Variants in METTL24 observed in about 807,000 individuals in gnomAD.
METTL24 encodes probable methyltransferase-like protein 24.
METTL24 carries 29 observed loss-of-function variants against 32.7 expected under a neutral mutation model. The observed-to-expected ratio is 0.89, with a 90% CI of 0.66 to 1.21. METTL24 has a LOEUF of 1.21. METTL24 is among the 50% of genes most tolerant of loss of function. METTL24 has a pLI of 0.00. For synonymous variants in METTL24, 163 were observed against 179.5 expected, an observed-to-expected ratio of 0.91 and a Z score of 0.73; for missense variants, 439 against 468.1, an observed-to-expected ratio of 0.94 and a Z score of 0.57.
intron 3 of METTL24, among the ~76,000 whole-genome samples, chr6:110,311,992 A>G (rs1237685945): frequency 2.0e-5 from 3 of 152,130 alleles, no homozygotes; most frequent in Non-Finnish European, 4.4e-5. Flanking sequence ...CTCCCATTCA[A>G]CAGGTTGTCT....
intron 3 of METTL24, among the ~76,000 whole-genome samples, chr6:110,304,246 C>T (rs1266257137): frequency 6.6e-6 from 1 of 152,022 alleles, no homozygotes; most frequent in African/African-American, 2.4e-5. Context: ...TTCCAAAAAC[C>T]AGAACACCTC....
At chr6:110,257,008 A>C (rs559833635) in intron 4 of METTL24, among the ~76,000 whole-genome samples, 16 of 152,340 alleles carry the variant, frequency 1.1e-4, no homozygotes, top group African/African-American at 3.8e-4. Flanking sequence ...GCTGCACTGC[A>C]TCAAGAAATT....
At chr6:110,314,043 T>C (rs529994828) in intron 3 of METTL24, among the ~76,000 whole-genome samples, 10 of 152,190 alleles carry the variant, frequency 6.6e-5, no homozygotes, top group Non-Finnish European at 1.5e-4. Flanking sequence ...ATGATGATCC[T>C]CTCTACACTG....
At chr6:110,357,485 G>C (rs561584105) in intron 1 of METTL24, 1 of 152,448 alleles carries the variant, frequency 6.6e-6, no homozygotes, top group African/African-American at 2.4e-5. Context: ...CGAGATGAAG[G>C]CAGTGGCGTG....
chr6:110,275,578 T>G (rs1380757715), intron 4 of METTL24, among the ~76,000 whole-genome samples: 1 of 152,188 alleles, frequency 6.6e-6, no homozygotes, highest in African/African-American at 2.4e-5. Flanking sequence ...CTTTATTATA[T>G]AATCTTCAAA....
At chr6:110,324,188 C>A (rs995755346) in intron 1 of METTL24, among the ~76,000 whole-genome samples, 1 of 152,176 alleles carries the variant, frequency 6.6e-6, no homozygotes, top group Admixed American at 6.5e-5. Context: ...TCAATACCAG[C>A]GCTTTGGAAG....
At chr6:110,350,395 G>A (rs1380871258) in intron 1 of METTL24, among the ~76,000 whole-genome samples, 2 of 152,160 alleles carry the variant, frequency 1.3e-5, no homozygotes, top group Non-Finnish European at 2.9e-5. Flanking sequence ...TTGCAACCCA[G>A]AGAGTCCTAA....
intron 2 of METTL24, among the ~76,000 whole-genome samples, chr6:110,321,908 G>A (rs1263678908): frequency 6.6e-6 from 1 of 152,184 alleles, no homozygotes; most frequent in Non-Finnish European, 1.5e-5. Flanking sequence ...GTGGGCTTGA[G>A]GGAGATTCTA....
chr6:110,289,329 G>A (rs193178629), intron 4 of METTL24, among the ~76,000 whole-genome samples: 2 of 152,270 alleles, frequency 1.3e-5, no homozygotes, highest in Admixed American at 6.5e-5. Context: ...AAATAAGTAT[G>A]TTTAGGATGC....
chr6:110,295,806 G>GAAGA (rs1771405253), intron 4 of METTL24, among the ~76,000 whole-genome samples: 2 of 146,704 alleles, frequency 1.4e-5, no homozygotes, highest in Non-Finnish European at 3.1e-5. Flanking sequence ...AGGAAGGAAG[G>GAAGA]AAGGAAGGAA....
intron 4 of METTL24, among the ~76,000 whole-genome samples, chr6:110,269,780 G>A (rs903974780): frequency 6.6e-6 from 1 of 152,164 alleles, no homozygotes; most frequent in African/African-American, 2.4e-5. Flanking sequence ...GGAGGAATGA[G>A]TAATCTAAAT....
intron 1 of METTL24, among the ~76,000 whole-genome samples, chr6:110,356,341 G>A (rs962081394): frequency 6.6e-6 from 1 of 152,118 alleles, no homozygotes; most frequent in Non-Finnish European, 1.5e-5. Flanking sequence ...TACTCGGTAG[G>A]CTGAGCCAGA....
In METTL24 at chr6:110,245,803, G is replaced by A; in HGVS notation, c.*143C>T. ...GTGCCCCATCACATGCCAAGCACTA[G>A]GCTGCATGCCCGCAATAACACACTC... On this transcript the variant is annotated 3_prime_UTR_variant, in exon 5 of 5. Transcript: ENST00000338882. 1 of 757,204 alleles carries A rather than the reference G, an allele frequency of 1.3e-6. No homozygotes were observed. The highest frequency in any genetic ancestry group is 1.7e-5 in the South Asian group (1 of 58,006). 46.9% of individuals were successfully genotyped at this position (757,204 alleles called of 1,614,324 possible).
Position 110,257,629 on chromosome 6 carries a change from T to C in METTL24, c.787-11369A>G, listed in dbSNP as rs1466080744. 2.6e-5 allele frequency among the ~76,000 whole-genome samples: 4 copies of C among 152,078 alleles called. No individual in the cohort carries two copies. In the East Asian group the frequency reaches 7.7e-4, roughly 29 times the overall value. Reference sequence around the variant, plus strand: ...CAGTAGATCTGAAGTGGAGCCTAAGTACTTGTGTTTCTACTAAGAGCCCAG... The same window carrying C: ...CAGTAGATCTGAAGTGGAGCCTAAGCACTTGTGTTTCTACTAAGAGCCCAG... On this transcript the variant is annotated intron_variant, in intron 4 of 4. Transcript: ENST00000338882.
chr6:110,262,445 T>A lies in METTL24; in HGVS notation c.787-16185A>T, dbSNP rs541290268. Among the ~76,000 whole-genome samples, 7 of 152,170 alleles carry A rather than the reference T, an allele frequency of 4.6e-5. No individual in the cohort carries two copies. In the South Asian group the frequency reaches 1.5e-3, roughly 32 times the overall value. On this transcript the variant is annotated intron_variant, in intron 4 of 4. Coordinates refer to ENST00000338882, the MANE Select transcript of METTL24 (RefSeq NM_001123364.3). The stretch of plus-strand genomic sequence containing the variant: ...GAAATTGAATCACTGAATAGACCAA[T>A]AACAGGCTCTGAAATTGAGACAATA...
intron 4 of METTL24, among the ~76,000 whole-genome samples, chr6:110,275,408 C>T (rs1349717982): frequency 6.6e-6 from 1 of 152,032 alleles, no homozygotes; most frequent in Non-Finnish European, 1.5e-5. Context: ...TGCCTCTATG[C>T]CCTTGCATTT....
chr6:110,250,020 CCATCTGG>C (rs1192530330), intron 4 of METTL24, among the ~76,000 whole-genome samples: 2 of 151,948 alleles, frequency 1.3e-5, no homozygotes, highest in African/African-American at 4.8e-5. Context: ...AGACCTGATG[CCATCTGG>C]CAGCTTCCTC....
At chr6:110,334,059 G>T (rs1163332687) in intron 1 of METTL24, among the ~76,000 whole-genome samples, 1 of 149,102 alleles carries the variant, frequency 6.7e-6, no homozygotes, top group Non-Finnish European at 1.5e-5. Flanking sequence ...AAAGTGGGGG[G>T]AGGAATGGAG....
Position 110,266,451 on chromosome 6 carries a change from C to T in METTL24, c.787-20191G>A, listed in dbSNP as rs569232597. ...CTAAACGTCTACTGTTCTTATTTAG[C>T]ACTGCCAAATTGGTAAGCAATTTTC... is the stretch of plus-strand genomic sequence containing the variant. On this transcript the variant is annotated intron_variant, in intron 4 of 4. Coordinates refer to ENST00000338882, the MANE Select transcript of METTL24 (RefSeq NM_001123364.3). Among the ~76,000 whole-genome samples, 3 of 152,238 alleles carry T rather than the reference C, an allele frequency of 2.0e-5. No individual in the cohort carries two copies. In the East Asian group the frequency reaches 5.8e-4, roughly 29 times the overall value.
Sources: gnomAD v4.1 joint callset for allele counts (sites outside exome capture counted in the v4.1 genomes callset) on GRCh38, gnomAD v4.1.1 for gene constraint, MANE v1.5 for transcripts, NCBI Gene and HGNC (gene_info 2026-07-23, HGNC 2026-07-21) for gene names.